The following GRIK3 variants were observed in gnomAD, a reference collection of about 807,000 sequenced individuals.
GRIK3 encodes glutamate receptor ionotropic, kainate 3.
In GRIK3, 29 loss-of-function variants were observed where a neutral mutation model predicts 102.5. That is an observed-to-expected ratio of 0.28 (90% CI 0.21 to 0.39). The LOEUF (loss-of-function observed/expected upper bound fraction) is 0.39. Ranked by LOEUF, GRIK3 falls within the 10% of genes least tolerant of loss-of-function variation. The probability of loss-of-function intolerance (pLI) is 1.00; values close to 1 mark genes in which losing one functional copy is unlikely to be tolerated. For missense variants in GRIK3, 908 were observed against 1,252.4 expected (o/e 0.73, Z 4.15); for synonymous variants, 511 against 504.9 (o/e 1.01, Z -0.16).
At chr1:36,958,030 T>C (rs1187933780) in intron 1 of GRIK3, among the ~76,000 whole-genome samples, 1 of 126,504 alleles carries the variant, frequency 7.9e-6, no homozygotes, top group Admixed American at 8.0e-5. Flanking sequence ...CTGTGCCCCA[T>C]GAGCCTGTGT....
rs1029346699 is a variant in GRIK3, at chr1:36,801,338, T to A, written c.*513A>T. ...CGTGAACAGCCCCAGAGGGATGAAGTCTTCCTTCTGCCCAGGCATATGGGA... is the reference window on the plus strand; with the variant it reads ...CGTGAACAGCCCCAGAGGGATGAAGACTTCCTTCTGCCCAGGCATATGGGA... On this transcript the variant is annotated 3_prime_UTR_variant, in exon 16 of 16. Coordinates refer to ENST00000373091, the MANE Select transcript of GRIK3 (RefSeq NM_000831.4). 1 of 153,472 alleles carries A rather than the reference T, an allele frequency of 6.5e-6. No individual in the cohort carries two copies. The highest frequency in any genetic ancestry group is 2.4e-5 in the African/African-American group (1 of 41,472). 9.5% of individuals were successfully genotyped at this position (153,472 alleles called of 1,614,324 possible).
chr1:36,993,304 T>A (rs1642381901), intron 1 of GRIK3, among the ~76,000 whole-genome samples: 1 of 152,124 alleles, frequency 6.6e-6, no homozygotes, highest in Non-Finnish European at 1.5e-5. Context: ...TATTGTTCTG[T>A]CACCCAGGCT....
chr1:36,802,527 A>C (rs1642453438), intron 15 of GRIK3, among the ~76,000 whole-genome samples: 1 of 152,214 alleles, frequency 6.6e-6, no homozygotes, highest in Non-Finnish European at 1.5e-5. Context: ...AAGGGGAAGA[A>C]TCAGTGTCTT....
rs573162881 is a variant in GRIK3, at chr1:36,871,871, C to T, written c.732+317G>A. On this transcript the variant is annotated intron_variant, in intron 4 of 15. Transcript: ENST00000373091. Reference sequence around the variant, plus strand: ...CTCCTGTGTGGCTGTGGGTACCTCCCGGCAGCCTCTGCCTCCAACCAGCAC... The same window carrying T: ...CTCCTGTGTGGCTGTGGGTACCTCCTGGCAGCCTCTGCCTCCAACCAGCAC... Among the ~76,000 whole-genome samples the T allele has an allele frequency of 6.2e-4, 95 of 152,292 alleles. No individual in the cohort carries two copies. The South Asian group carries it at 0.011, about 17-fold the overall frequency.
chr1:37,028,916 C>T (rs1037496582), intron 1 of GRIK3, among the ~76,000 whole-genome samples: 1 of 152,234 alleles, frequency 6.6e-6, no homozygotes, highest in Non-Finnish European at 1.5e-5. Context: ...TACTATTTAC[C>T]CACACTATGA....
At chr1:37,002,673 T>TC (rs201110248) in intron 1 of GRIK3, among the ~76,000 whole-genome samples, 159 of 141,844 alleles carry the variant, frequency 1.1e-3, no homozygotes, top group African/African-American at 3.8e-3. Context: ...TTTCTTTCTT[T>TC]TTTTTTTTTT....
chr1:36,856,476 C>T (rs77691375), intron 7 of GRIK3, among the ~76,000 whole-genome samples: 4 of 152,294 alleles, frequency 2.6e-5, no homozygotes, highest in African/African-American at 4.8e-5. Flanking sequence ...CAGCTCCTCT[C>T]GGAAATGCCA....
chr1:36,827,284 A>T (rs1191617049), intron 10 of GRIK3, among the ~76,000 whole-genome samples: 2 of 152,194 alleles, frequency 1.3e-5, no homozygotes, highest in Admixed American at 1.3e-4. Context: ...TTGTTAATTA[A>T]TAACCTTCCC....
At chr1:36,856,326 C>G (rs532069681) in intron 7 of GRIK3, among the ~76,000 whole-genome samples, 1 of 152,178 alleles carries the variant, frequency 6.6e-6, no homozygotes, top group Non-Finnish European at 1.5e-5. Flanking sequence ...TGTCTGTGGG[C>G]GGGTGGACAG....
intron 1 of GRIK3, among the ~76,000 whole-genome samples, chr1:36,939,098 C>T (rs1179553350): frequency 6.6e-6 from 1 of 152,222 alleles, no homozygotes; most frequent in Non-Finnish European, 1.5e-5. Flanking sequence ...GTAAATATCA[C>T]TACTGACACA....
intron 8 of GRIK3, among the ~76,000 whole-genome samples, chr1:36,853,352 C>T (rs1640606802): frequency 1.3e-5 from 2 of 152,188 alleles, no homozygotes; most frequent in Non-Finnish European, 2.9e-5. Context: ...TTAGGCATCC[C>T]CAATGACCCT....
chr1:36,843,803 T>C (rs1640488984), intron 9 of GRIK3, among the ~76,000 whole-genome samples: 1 of 152,190 alleles, frequency 6.6e-6, no homozygotes, highest in African/African-American at 2.4e-5. Flanking sequence ...ACAGAATGTC[T>C]CAAGCCTTCA....
At chr1:37,017,795 G>A (rs1050830136) in intron 1 of GRIK3, among the ~76,000 whole-genome samples, 6 of 152,126 alleles carry the variant, frequency 3.9e-5, no homozygotes, top group Admixed American at 2.6e-4. Context: ...CAATGCTAAC[G>A]GTTGTCTAAG....
rs111333821 is a variant in GRIK3 at position 36,838,908 on chromosome 1, C to T, written c.1530+2828G>A. Among the ~76,000 whole-genome samples, 259 of 152,272 alleles carry T rather than the reference C, an allele frequency of 1.7e-3. 3 individuals are homozygous for T. Among genetic ancestry groups the T allele is most frequent in the African/African-American group, 5.5e-3 (228 of 41,546 alleles). On this transcript the variant is annotated intron_variant, in intron 10 of 15. Transcript: ENST00000373091. ...AGGGAATTGGGCTTAACAAGGTCCC[C>T]TGCATGTCTCGTCAGGCCTGTAACC... is the stretch of plus-strand genomic sequence containing the variant.
At chr1:36,958,202 T>C (rs1412797211) in intron 1 of GRIK3, among the ~76,000 whole-genome samples, 6 of 79,836 alleles carry the variant, frequency 7.5e-5, no homozygotes, top group East Asian at 5.1e-4. Context: ...CTGTGTGCCC[T>C]GTGAGTCTGT....
intron 1 of GRIK3, among the ~76,000 whole-genome samples, chr1:36,955,849 A>G (rs549936743): frequency 6.6e-6 from 1 of 152,344 alleles, no homozygotes; most frequent in South Asian, 2.1e-4. Context: ...CCCTGTCAGT[A>G]AGGATCCCCC....
rs572310342 is a variant in GRIK3, at chr1:36,908,299, C to G, written c.116-17203G>C. 1.9e-4 allele frequency among the ~76,000 whole-genome samples: 29 copies of G among 152,332 alleles called. No individual in the cohort carries two copies. The East Asian group carries it at 3.3e-3, about 17-fold the overall frequency. On this transcript the variant is annotated intron_variant, in intron 1 of 15. Transcript: ENST00000373091. ...TTACTGGGGGGCAGTGTCAACTGCACTACTTTAGTGTTGCTGGAGATGGGG... is the reference window on the plus strand; with the variant it reads ...TTACTGGGGGGCAGTGTCAACTGCAGTACTTTAGTGTTGCTGGAGATGGGG...
chr1:36,946,283 T>C (rs1641783815), intron 1 of GRIK3, among the ~76,000 whole-genome samples: 1 of 152,160 alleles, frequency 6.6e-6, no homozygotes, highest in South Asian at 2.1e-4. Flanking sequence ...CGGCCCTTGG[T>C]CTATGTGAGC....
At position 36,832,964 on chromosome 1, in the gene GRIK3, C is replaced by A. The variant is rs184176942; in HGVS notation, c.1531-7138G>T. Among the ~76,000 whole-genome samples, 9 of 152,302 alleles carry A rather than the reference C, an allele frequency of 5.9e-5. No individual in the cohort carries two copies. The East Asian group carries it at 1.7e-3, about 29-fold the overall frequency. Reference sequence around the variant, plus strand: ...TCCCATAGCCCCCGCACTGCTCCTCCGTGTCTTTATCACTATGAAATTTTT... The same window carrying A: ...TCCCATAGCCCCCGCACTGCTCCTCAGTGTCTTTATCACTATGAAATTTTT... On this transcript the variant is annotated intron_variant, in intron 10 of 15. Coordinates refer to ENST00000373091, the MANE Select transcript of GRIK3 (RefSeq NM_000831.4).
Sources: gnomAD v4.1 joint callset for allele counts (sites outside exome capture counted in the v4.1 genomes callset) on GRCh38, gnomAD v4.1.1 for gene constraint, MANE v1.5 for transcripts, NCBI Gene and HGNC (gene_info 2026-07-23, HGNC 2026-07-21) for gene names.